Variants in B3GAT2 observed in about 807,000 individuals in gnomAD.
The protein encoded by B3GAT2 is beta-1,3-glucuronyltransferase 2.
Under a neutral mutation model 27.8 loss-of-function variants are expected in B3GAT2, and 26 were observed. The observed-to-expected ratio is 0.93, with a 90% confidence interval of 0.68 to 1.30. The LOEUF is 1.30. B3GAT2 is among the 50% of genes most tolerant of loss of function. B3GAT2 has a pLI of 0.00. For missense variants in B3GAT2, 458 were observed against 459.0 expected, an observed-to-expected ratio of 1.00 and a Z score of 0.02; for synonymous variants, 218 against 195.1, an observed-to-expected ratio of 1.12 and a Z score of -0.98.
At chr6:70,873,471 TCA>T (rs1187973729) in intron 2 of B3GAT2, among the ~76,000 whole-genome samples, 1 of 152,100 alleles carries the variant, frequency 6.6e-6, no homozygotes. Context: ...TTAATCATAT[TCA>T]GTTTTCTTTT....
chr6:70,939,532 T>C (rs1207938365), intron 1 of B3GAT2, among the ~76,000 whole-genome samples: 1 of 151,022 alleles, frequency 6.6e-6, no homozygotes, highest in African/African-American at 2.4e-5. Context: ...ATTAAGAAAA[T>C]GTGGCATATA....
At chr6:70,932,104 T>A (rs1416589958) in intron 1 of B3GAT2, among the ~76,000 whole-genome samples, 1 of 152,178 alleles carries the variant, frequency 6.6e-6, no homozygotes, top group East Asian at 1.9e-4. Context: ...TTCACTTTAC[T>A]TCATATTTTT....
intron 1 of B3GAT2, among the ~76,000 whole-genome samples, chr6:70,898,504 A>G (rs1272085093): frequency 7.2e-5 from 11 of 152,224 alleles, no homozygotes; most frequent in Non-Finnish European, 1.3e-4. Flanking sequence ...ACACAGAGAA[A>G]CCAGGTTAAA....
chr6:70,902,922 A>C (rs961468530), intron 1 of B3GAT2, among the ~76,000 whole-genome samples: 22 of 151,970 alleles, frequency 1.4e-4, no homozygotes, highest in African/African-American at 5.3e-4. Context: ...TGGTGGTCAA[A>C]GGACAAATTT....
rs68188898 is a variant in B3GAT2 at position 70,858,287 on chromosome 6, C to CT, written c.*3375dup. 9.9e-3 allele frequency: 2,880 copies of CT among 290,018 alleles called. 151 individuals are homozygous for CT. The highest frequency in any genetic ancestry group is 0.064 in the African/African-American group (1,473 of 23,048). 18.0% of individuals were successfully genotyped at this position (290,018 alleles called of 1,614,324 possible). ...ATCAAACCAGATTTATTTTCTAAAT[C>CT]TTTTTTTTTTTTTTTTTTTTTTTTT... is the stretch of plus-strand genomic sequence containing the variant. On this transcript the variant is annotated 3_prime_UTR_variant, in exon 4 of 4. Transcript: ENST00000230053.
intron 2 of B3GAT2, among the ~76,000 whole-genome samples, chr6:70,864,220 A>G (rs573058964): frequency 6.6e-6 from 1 of 152,246 alleles, no homozygotes; most frequent in Admixed American, 6.5e-5. Context: ...TGATTTCTGG[A>G]AATGATATGG....
At position 70,894,268 on chromosome 6, in the gene B3GAT2, C is replaced by A; in HGVS notation, c.596G>T (p.Arg199Leu). 1.9e-6 allele frequency: 3 copies of A among 1,569,532 alleles called. No individual in the cohort carries two copies. The highest frequency in any genetic ancestry group is 2.0e-5 in the Admixed American group (1 of 51,204). ...TYSLELFQEM[R>L]TTRKVSVWPV... The stretch of plus-strand genomic sequence containing the variant: ...CCAGACGGAGACCTTGCGGGTGGTT[C>A]GCATCTATAAAAAGGGAAAAGACAT... The change falls in exon 2 of 4, where the codon CGA (arginine) becomes CTA (leucine). Residue 199 changes from arginine to leucine, a missense_variant. Transcript: ENST00000230053.
intron 1 of B3GAT2, among the ~76,000 whole-genome samples, chr6:70,940,795 G>C (rs1031276491): frequency 6.6e-6 from 1 of 152,096 alleles, no homozygotes; most frequent in Non-Finnish European, 1.5e-5. Context: ...AGGCATGATG[G>C]CTTGCACCTG....
At chr6:70,923,865 T>A (rs1222921539) in intron 1 of B3GAT2, among the ~76,000 whole-genome samples, 1 of 152,216 alleles carries the variant, frequency 6.6e-6, no homozygotes, top group East Asian at 1.9e-4. Context: ...CTATGCTGTA[T>A]CATATTTTTA....
chr6:70,929,223 A>G (rs1773018504), intron 1 of B3GAT2, among the ~76,000 whole-genome samples: 1 of 152,142 alleles, frequency 6.6e-6, no homozygotes, highest in Admixed American at 6.6e-5. Flanking sequence ...GGGGAGGGAT[A>G]GCATTAGGAG....
chr6:70,956,916 T>A lies in B3GAT2; in HGVS notation c.-487A>T. Reference sequence around the variant, plus strand: ...GAGGGCGGGCGGCGGCGCTGGGGGCTTTCCTTCCTCACATTCCCGCCGGGG... The same window carrying A: ...GAGGGCGGGCGGCGGCGCTGGGGGCATTCCTTCCTCACATTCCCGCCGGGG... On this transcript the variant is annotated 5_prime_UTR_variant, in exon 1 of 4. The change creates a new upstream start codon in the 5' untranslated region. Transcript: ENST00000230053. 9.8e-7 allele frequency: 1 copy of A among 1,016,932 alleles called. No homozygotes were observed. The highest frequency in any genetic ancestry group is 3.9e-5 in the South Asian group (1 of 25,620). 63.0% of individuals were successfully genotyped at this position (1,016,932 alleles called of 1,614,324 possible).
intron 1 of B3GAT2, among the ~76,000 whole-genome samples, chr6:70,953,241 T>C (rs1299359755): frequency 2.0e-5 from 3 of 152,204 alleles, no homozygotes; most frequent in Non-Finnish European, 4.4e-5. Context: ...ATTTTCAATG[T>C]TTTATCTGGT....
At chr6:70,945,709 T>G (rs1043580041) in intron 1 of B3GAT2, among the ~76,000 whole-genome samples, 18 of 145,656 alleles carry the variant, frequency 1.2e-4, no homozygotes, top group African/African-American at 3.6e-4. Flanking sequence ...TCAGATTCAG[T>G]AAATACAGAG....
At chr6:70,873,603 A>C (rs1771970669) in intron 2 of B3GAT2, among the ~76,000 whole-genome samples, 1 of 152,046 alleles carries the variant, frequency 6.6e-6, no homozygotes, top group Admixed American at 6.5e-5. Flanking sequence ...AATGTTTTTC[A>C]TACAGATTTG....
chr6:70,921,115 C>T (rs940403672), intron 1 of B3GAT2, among the ~76,000 whole-genome samples: 1 of 152,076 alleles, frequency 6.6e-6, no homozygotes, highest in Non-Finnish European at 1.5e-5. Flanking sequence ...GGATGGTTGT[C>T]TTGTATAGTA....
intron 1 of B3GAT2, among the ~76,000 whole-genome samples, chr6:70,927,240 C>G (rs1772977972): frequency 6.6e-6 from 1 of 152,132 alleles, no homozygotes; most frequent in Non-Finnish European, 1.5e-5. Flanking sequence ...TTGTAAAGAC[C>G]ATCGATGCTA....
chr6:70,858,142 C>A lies in B3GAT2; in HGVS notation c.*3521G>T. 6.2e-7 allele frequency: 1 copy of A among 1,613,960 alleles called. No homozygotes were observed. The highest frequency in any genetic ancestry group is 2.2e-5 in the East Asian group (1 of 44,854). ...CACTTCCTCAGAACGTTGTTGGCCC[C>A]CAAGGAGGAATGGTGGGACAAATGG... is the stretch of plus-strand genomic sequence containing the variant. On this transcript the variant is annotated 3_prime_UTR_variant, in exon 4 of 4. Transcript: ENST00000230053.
At chr6:70,951,745 T>C (rs534876065) in intron 1 of B3GAT2, among the ~76,000 whole-genome samples, 98 of 152,298 alleles carry the variant, frequency 6.4e-4, no homozygotes, top group African/African-American at 2.2e-3. Flanking sequence ...GAAAATTGGC[T>C]GTAGTTTCAT....
chr6:70,937,681 G>A (rs1765315320), intron 1 of B3GAT2, among the ~76,000 whole-genome samples: 1 of 151,642 alleles, frequency 6.6e-6, no homozygotes, highest in African/African-American at 2.4e-5. Flanking sequence ...ATGCAGAAAA[G>A]GCCTTTGACA....
Sources: allele counts gnomAD v4.1 joint callset (sites outside exome capture counted in the v4.1 genomes callset), GRCh38; gene constraint gnomAD v4.1.1; transcripts MANE v1.5; gene names NCBI Gene and HGNC (gene_info 2026-07-23, HGNC 2026-07-21).